NUMB: variants seen among roughly 807,000 people sequenced by gnomAD.
The protein encoded by NUMB is protein numb homolog.
A neutral mutation model predicts 59.7 loss-of-function variants in NUMB; 29 were observed. The observed-to-expected ratio is 0.49, with a 90% CI of 0.36 to 0.66. NUMB has a LOEUF of 0.66. Ranked by LOEUF, NUMB falls within the 30% of genes least tolerant of loss-of-function variation. NUMB has a pLI of 0.00. For missense variants in NUMB, 723 were observed against 822.0 expected, an observed-to-expected ratio of 0.88 and a Z score of 1.47; for synonymous variants, 288 against 288.2, an observed-to-expected ratio of 1.00 and a Z score of 0.01.
At chr14:73,302,880 T>C (rs1272869228) in intron 6 of NUMB, among the ~76,000 whole-genome samples, 1 of 152,042 alleles carries the variant, frequency 6.6e-6, no homozygotes, top group Non-Finnish European at 1.5e-5. Flanking sequence ...AGTTAACTAA[T>C]CAAAGGACTG....
chr14:73,276,259 T>C lies in NUMB; in HGVS notation c.*319A>G, dbSNP rs933886642. 4.0e-6 allele frequency: 1 copy of C among 248,066 alleles called. No homozygotes were observed. Among genetic ancestry groups the C allele is most frequent in the East Asian group, 8.5e-5 (1 of 11,734 alleles). 15.4% of individuals were successfully genotyped at this position (248,066 alleles called of 1,614,324 possible). A position where few individuals can be genotyped will look rare whatever the true frequency, so the allele number is the denominator to read the frequency against. On this transcript the variant is annotated 3_prime_UTR_variant, in exon 13 of 13. Transcript: ENST00000555238. ...GTGTTTTACATTTCAGTAAATGTGC[T>C]TGGAATATAGATTCTTGTTCAGATA...
At chr14:73,353,069 C>CTTTTTTTTTTTTT (rs1566756859) in intron 4 of NUMB, among the ~76,000 whole-genome samples, 2 of 18,078 alleles carry the variant, frequency 1.1e-4, no homozygotes, top group South Asian at 1.7e-3. Flanking sequence ...CACAGTTTTT[C>CTTTTTTTTTTTTT]TTGTTTTTTT....
At chr14:73,303,517 T>C (rs1302531148) in intron 6 of NUMB, among the ~76,000 whole-genome samples, 1 of 151,790 alleles carries the variant, frequency 6.6e-6, no homozygotes, top group Admixed American at 6.6e-5. Context: ...GAGGCAGAGG[T>C]TGCAGTGAGC....
chr14:73,337,335 C>T (rs559375215), intron 4 of NUMB, among the ~76,000 whole-genome samples: 1 of 152,118 alleles, frequency 6.6e-6, no homozygotes, highest in African/African-American at 2.4e-5. Flanking sequence ...AACCCAATCT[C>T]TACTAAAAAT....
At chr14:73,309,575 G>A (rs915618523) in intron 6 of NUMB, among the ~76,000 whole-genome samples, 1 of 152,050 alleles carries the variant, frequency 6.6e-6, no homozygotes, top group Non-Finnish European at 1.5e-5. Flanking sequence ...CTGTCAGAGA[G>A]TTGGGGGCAA....
chr14:73,361,175 C>A (rs1160033918), intron 3 of NUMB, among the ~76,000 whole-genome samples: 1 of 152,182 alleles, frequency 6.6e-6, no homozygotes, highest in Non-Finnish European at 1.5e-5. Context: ...TAGGTGTGAA[C>A]CACTGCACAT....
chr14:73,302,872 T>G (rs1043363113), intron 6 of NUMB, among the ~76,000 whole-genome samples: 1 of 151,964 alleles, frequency 6.6e-6, no homozygotes, highest in Non-Finnish European at 1.5e-5. Context: ...CAGGCCGCAG[T>G]TAACTAATCA....
chr14:73,399,355 G>A (rs564388883), intron 2 of NUMB, among the ~76,000 whole-genome samples: 6 of 152,262 alleles, frequency 3.9e-5, no homozygotes, highest in Non-Finnish European at 5.9e-5. Flanking sequence ...CCTGAGGTCC[G>A]GAGTTAGAAA....
chr14:73,341,731 T>C (rs888427730), intron 4 of NUMB, among the ~76,000 whole-genome samples: 5 of 152,144 alleles, frequency 3.3e-5, no homozygotes, highest in African/African-American at 1.2e-4. Context: ...TACCACAAAC[T>C]TGTATTACTT....
chr14:73,438,207 A>G (rs1370712942), intron 1 of NUMB, among the ~76,000 whole-genome samples: 1 of 152,244 alleles, frequency 6.6e-6, no homozygotes, highest in Non-Finnish European at 1.5e-5. Context: ...AGAAATACTG[A>G]AAGTCATATT....
intron 1 of NUMB, among the ~76,000 whole-genome samples, chr14:73,447,378 C>T (rs1320207633): frequency 2.0e-5 from 3 of 152,032 alleles, no homozygotes; most frequent in Non-Finnish European, 4.4e-5. Context: ...ATCCCAGCTA[C>T]TCAGGCGGCT....
chr14:73,285,564 T>C (rs1888932999), intron 9 of NUMB: 1 of 151,818 alleles, frequency 6.6e-6, no homozygotes, highest in Non-Finnish European at 1.5e-5. Flanking sequence ...TATGTATGCT[T>C]TTTTTTTGGA....
chr14:73,291,707 A>G (rs1273330544), intron 8 of NUMB, among the ~76,000 whole-genome samples: 3 of 142,248 alleles, frequency 2.1e-5, no homozygotes, highest in African/African-American at 8.0e-5. Flanking sequence ...TTTTTTGGCC[A>G]GAGTCTTGCT....
At chr14:73,351,569 TA>T (rs898935186) in intron 4 of NUMB, among the ~76,000 whole-genome samples, 42 of 152,034 alleles carry the variant, frequency 2.8e-4, no homozygotes, top group Non-Finnish European at 5.2e-4. Context: ...CATTCTTGCT[TA>T]AAAAAAACTA....
chr14:73,455,573 T>G (rs571227672), intron 1 of NUMB, among the ~76,000 whole-genome samples: 1 of 152,360 alleles, frequency 6.6e-6, no homozygotes, highest in African/African-American at 2.4e-5. Flanking sequence ...CTATCCCAGG[T>G]GCATTTTGCT....
At chr14:73,433,335 T>A (rs1442600434) in intron 1 of NUMB, among the ~76,000 whole-genome samples, 1 of 152,070 alleles carries the variant, frequency 6.6e-6, no homozygotes, top group African/African-American at 2.4e-5. Context: ...AGCAGGAGAA[T>A]CGCTTGAACC....
At chr14:73,445,604 C>T (rs538935413) in intron 1 of NUMB, among the ~76,000 whole-genome samples, 18 of 152,160 alleles carry the variant, frequency 1.2e-4, no homozygotes, top group Admixed American at 3.3e-4. Flanking sequence ...CCACCTGCTT[C>T]GGTAAAAATG....
chr14:73,399,261 T>A (rs1896293176), intron 2 of NUMB, among the ~76,000 whole-genome samples: 1 of 152,200 alleles, frequency 6.6e-6, no homozygotes, highest in African/African-American at 2.4e-5. Context: ...TTCAACCAGC[T>A]ATGGACTGAA....
intron 6 of NUMB, among the ~76,000 whole-genome samples, chr14:73,299,773 G>A (rs926877721): frequency 2.6e-5 from 4 of 152,062 alleles, no homozygotes; most frequent in Non-Finnish European, 2.9e-5. Flanking sequence ...CTATAAAAAG[G>A]AGAGCTGCAG....
Sources: gnomAD v4.1 joint callset for allele counts (sites outside exome capture counted in the v4.1 genomes callset) on GRCh38, gnomAD v4.1.1 for gene constraint, MANE v1.5 for transcripts, NCBI Gene and HGNC (gene_info 2026-07-23, HGNC 2026-07-21) for gene names.